The following MBTPS1 variants were observed in gnomAD, a reference collection of about 807,000 sequenced individuals.
MBTPS1 encodes the protein membrane bound transcription factor peptidase, site 1, also known as membrane-bound transcription factor site-1 protease.
Under a neutral mutation model 127.8 loss-of-function variants are expected in MBTPS1, and 94 were observed. The observed-to-expected ratio is 0.74, with a 90% confidence interval of 0.62 to 0.87. The LOEUF (loss-of-function observed/expected upper bound fraction) is 0.87, where lower values mean the gene tolerates loss of function less well. MBTPS1 is among the 40% of genes least tolerant of loss of function. The probability of loss-of-function intolerance (pLI) is 0.00; values close to 1 mark genes in which losing one functional copy is unlikely to be tolerated. For missense variants in MBTPS1, 1,636 were observed against 1,353.2 expected (o/e 1.21, Z -3.28); for synonymous variants, 632 against 509.4 (o/e 1.24, Z -3.24).
Position 84,056,007 on chromosome 16 carries a change from C to A in MBTPS1, c.2960G>T (p.Gly987Val). Reference sequence around the variant, plus strand: ...TCACAAAGCAGCCGAGAACTCACCTCCAGGAATGTCCCAGGCGCCGCTCTC... The same window carrying A: ...TCACAAAGCAGCCGAGAACTCACCTACAGGAATGTCCCAGGCGCCGCTCTC... ...PGESGAWDIP[G>V]GIMPGRYNQE... Residue 987 changes from glycine (G) to valine (V), a missense_variant and splice_region_variant, in exon 22 of 23, where the codon GGA becomes GTA. By Grantham distance (109) the Gly-to-Val change is moderately radical. Coordinates refer to ENST00000343411, the MANE Select transcript of MBTPS1 (RefSeq NM_003791.4). The A allele has an allele frequency of 6.2e-7, 1 of 1,611,674 alleles. No homozygotes were observed. The highest frequency in any genetic ancestry group is 8.5e-7 in the Non-Finnish European group (1 of 1,178,770).
rs1567500405 is a variant in MBTPS1 at position 84,099,119 on chromosome 16, C to G, written c.355G>C (p.Asp119His). ...KQKAGLLTLE[D>H]HPNIKRVTPQ... ...GTGACCCGTTTGATGTTTGGATGAT[C>G]TTCAAGTGTTAGCAGCCCCGCTTTC... The change falls in exon 3 of 23, where the codon GAT becomes CAT. Residue 119 changes from aspartate (D) to histidine (H), a missense_variant. Physicochemically the swap from Asp to His is moderately conservative, Grantham distance 81. Coordinates refer to ENST00000343411, the MANE Select transcript of MBTPS1 (RefSeq NM_003791.4). The G allele has an allele frequency of 6.2e-7, 1 of 1,614,152 alleles. No individual in the cohort carries two copies.
In MBTPS1 at chr16:84,084,986, A is replaced by G; in HGVS notation, c.1283T>C (p.Val428Ala). The stretch of plus-strand genomic sequence containing the variant: ...GTCTCTAGGGGGCAGCACTCACCTC[A>G]CTAACAAGGTGACAGCACCTGCAAC... Reference protein sequence around the residue: ...PVVAGAVTLLVSTVQKRELVN... With the variant: ...PVVAGAVTLLASTVQKRELVN... Residue 428 changes from valine (V) to alanine (A), a missense_variant, in exon 10 of 23, where the codon GTG (valine) becomes GCG (alanine). Val to Ala is a moderately conservative substitution (Grantham distance 64, BLOSUM62 0). Transcript: ENST00000343411. 6.2e-7 allele frequency: 1 copy of G among 1,613,906 alleles called. No homozygotes were observed. Among genetic ancestry groups the G allele is most frequent in the Non-Finnish European group, 8.5e-7 (1 of 1,179,952 alleles).
At chr16:84,113,893 G>C (rs1348301227) in intron 1 of MBTPS1, among the ~76,000 whole-genome samples, 2 of 149,850 alleles carry the variant, frequency 1.3e-5, no homozygotes, top group African/African-American at 4.9e-5. Context: ...TATTACCATT[G>C]TTTAACAGGC....
chr16:84,111,802 T>A (rs1002973560), intron 1 of MBTPS1, among the ~76,000 whole-genome samples: 2 of 151,572 alleles, frequency 1.3e-5, no homozygotes, highest in African/African-American at 2.4e-5. Context: ...TTTGTTACAA[T>A]AGAAATATGG....
chr16:84,068,327 A>T lies in MBTPS1; in HGVS notation c.2071+12T>A, dbSNP rs1223797304. The T allele has an allele frequency of 3.3e-6, 5 of 1,527,934 alleles. No individual in the cohort carries two copies. In the African/African-American group the frequency reaches 6.8e-5, roughly 21 times the overall value. The allele number at this position is 1,527,934 out of a possible 1,614,324, so 94.6% of individuals were successfully genotyped here. On this transcript the variant is annotated intron_variant, in intron 15 of 22. Coordinates refer to ENST00000343411, the MANE Select transcript of MBTPS1 (RefSeq NM_003791.4). ...GGAAAGACCATCTGGCTAGCACAGC[A>T]GTGCCACTTACCATACTGACTGGCA...
At chr16:84,066,316 C>G (rs562527901) in intron 17 of MBTPS1, among the ~76,000 whole-genome samples, 173 bp downstream of exon 17, 1 of 152,276 alleles carries the variant, frequency 6.6e-6, no homozygotes, top group East Asian at 1.9e-4. Context: ...TAAAAAAAAT[C>G]TGGACAAAAC....
intron 19 of MBTPS1, among the ~76,000 whole-genome samples, chr16:84,062,655 G>A (rs890556778): frequency 7.2e-5 from 11 of 152,046 alleles, no homozygotes; most frequent in African/African-American, 2.7e-4. Flanking sequence ...GTAAAAACAT[G>A]GAGCACTTTT....
chr16:84,067,493 C>T (rs1270073157), intron 16 of MBTPS1, among the ~76,000 whole-genome samples, 174 bp downstream of exon 16: 1 of 152,182 alleles, frequency 6.6e-6, no homozygotes, highest in Non-Finnish European at 1.5e-5. Context: ...GCTGGGATTA[C>T]AGGCGTGAGC....
At chr16:84,080,107 T>G (rs560547283) in intron 11 of MBTPS1, among the ~76,000 whole-genome samples, 4 of 152,204 alleles carry the variant, frequency 2.6e-5, no homozygotes, top group Admixed American at 2.0e-4. Context: ...ATAAGCCAAC[T>G]AGATGGAGCT....
At chr16:84,076,965 CGT>C (rs2085863576) in intron 11 of MBTPS1, among the ~76,000 whole-genome samples, 2 of 152,154 alleles carry the variant, frequency 1.3e-5, no homozygotes, top group African/African-American at 4.8e-5. Context: ...GTGACTCACG[CGT>C]GTCATCCCAG....
At chr16:84,080,735 T>C (rs939854982) in intron 11 of MBTPS1, among the ~76,000 whole-genome samples, 4 of 152,234 alleles carry the variant, frequency 2.6e-5, no homozygotes, top group African/African-American at 4.8e-5. Context: ...TTCAGGCCTG[T>C]GCGAGCCTCT....
At chr16:84,090,603 T>C (rs1452953598) in intron 8 of MBTPS1, among the ~76,000 whole-genome samples, 1 of 152,234 alleles carries the variant, frequency 6.6e-6, no homozygotes, top group African/African-American at 2.4e-5. Context: ...ATAAAAACTT[T>C]AGGCCTCTAA....
intron 19 of MBTPS1, 30 bp downstream of exon 19, chr16:84,063,275 A>C (rs1351324211): frequency 6.3e-7 from 1 of 1,591,280 alleles, no homozygotes; most frequent in Non-Finnish European, 8.6e-7. Flanking sequence ...TGAGTGCCGA[A>C]GTCACAAAGT....
chr16:84,115,997 T>A (rs1249097733), intron 1 of MBTPS1, among the ~76,000 whole-genome samples: 1 of 151,946 alleles, frequency 6.6e-6, no homozygotes, highest in Non-Finnish European at 1.5e-5. Flanking sequence ...CTCCTTTTCG[T>A]AGACATACAA....
chr16:84,059,538 C>T (rs142587141), intron 20 of MBTPS1, 110 bp from the exon 21 acceptor site: 2 of 1,028,210 alleles, frequency 1.9e-6, no homozygotes, highest in African/African-American at 1.6e-5. Flanking sequence ...CAACACAGCA[C>T]AGAGCCCCTG....
At chr16:84,095,441 A>C (rs1597341755) in intron 4 of MBTPS1, among the ~76,000 whole-genome samples, 161 bp downstream of exon 4, 1 of 152,272 alleles carries the variant, frequency 6.6e-6, no homozygotes, top group Non-Finnish European at 1.5e-5. Context: ...ACCTCCAGCT[A>C]AACAAATAGT....
At chr16:84,074,524 A>G (rs2085822541) in intron 12 of MBTPS1, 73 bp downstream of exon 12, 10 of 1,480,146 alleles carry the variant, frequency 6.8e-6, no homozygotes, top group Middle Eastern at 1.8e-4. Flanking sequence ...AGCAGAAGTA[A>G]CTATGGCCTA....
rs755637735 is a variant in MBTPS1 at position 84,053,896 on chromosome 16, G to C, written c.*553C>G. On this transcript the variant is annotated 3_prime_UTR_variant, in exon 23 of 23. Transcript: ENST00000343411. The stretch of plus-strand genomic sequence containing the variant: ...ATAAAGCGAAGGTCTATGTTTTACA[G>C]ATTTGTGCATGTTTCCTTCAAATCT... 5.3e-5 allele frequency: 8 copies of C among 152,316 alleles called. No homozygotes were observed. The highest frequency in any genetic ancestry group is 1.0e-4 in the Non-Finnish European group (7 of 68,126). 9.4% of individuals were successfully genotyped at this position (152,316 alleles called of 1,614,324 possible). A position where few individuals can be genotyped will look rare whatever the true frequency, so the allele number is the denominator to read the frequency against.
At position 84,101,684 on chromosome 16, in the gene MBTPS1, G is replaced by C. The variant is rs773030148; in HGVS notation, c.100C>G (p.Pro34Ala). 13 of 1,613,998 alleles carry C rather than the reference G, an allele frequency of 8.1e-6. No homozygotes were observed. In the Admixed American group the frequency reaches 2.2e-4, roughly 27 times the overall value. Residue 34 changes from proline (P) to alanine (A), a missense_variant, in exon 2 of 23, where the codon CCA (proline) becomes GCA (alanine). Coordinates refer to ENST00000343411, the MANE Select transcript of MBTPS1 (RefSeq NM_003791.4). Reference protein sequence around the residue: ...RLEKKSFEKAPCPGCSHLTLK... With the variant: ...RLEKKSFEKAACPGCSHLTLK... ...GTCAGGTGGGAACAGCCAGGGCATG[G>C]GGCCTTTTCAAAAGATTTCTTTTCC...
Sources: gnomAD v4.1 joint callset for allele counts (sites outside exome capture counted in the v4.1 genomes callset) on GRCh38, gnomAD v4.1.1 for gene constraint, MANE v1.5 for transcripts, NCBI Gene and HGNC (gene_info 2026-07-23, HGNC 2026-07-21) for gene names.